Variants in DGKG observed in about 807,000 individuals in gnomAD.
The protein encoded by DGKG is DAG kinase gamma.
In DGKG, 78 loss-of-function variants were observed where a neutral mutation model predicts 105.3. That is an observed-to-expected ratio of 0.74 (90% CI 0.62 to 0.89). The LOEUF (loss-of-function observed/expected upper bound fraction) is 0.89. DGKG is among the 40% of genes least tolerant of loss of function. The probability of loss-of-function intolerance (pLI) is 0.00; values close to 1 mark genes in which losing one functional copy is unlikely to be tolerated. For missense variants in DGKG, 958 were observed against 1,020.1 expected (o/e 0.94, Z 0.83); for synonymous variants, 346 against 367.1 (o/e 0.94, Z 0.66).
chr3:186,306,247 A>C (rs960843876), intron 3 of DGKG, among the ~76,000 whole-genome samples: 1 of 152,206 alleles, frequency 6.6e-6, no homozygotes, highest in Non-Finnish European at 1.5e-5. Context: ...CACAGGAGGG[A>C]AATGAGGTGG....
intron 15 of DGKG, 102 bp from the exon 16 acceptor site, chr3:186,260,615 G>T (rs1721724729): frequency 2.3e-6 from 2 of 880,526 alleles, no homozygotes; most frequent in African/African-American, 1.7e-5. Flanking sequence ...CCCACTGGTG[G>T]CAGGGATGAG....
intron 1 of DGKG, among the ~76,000 whole-genome samples, chr3:186,336,944 A>T (rs1347751473): frequency 6.6e-6 from 1 of 152,240 alleles, no homozygotes; most frequent in Non-Finnish European, 1.5e-5. Flanking sequence ...GTGACTCAAG[A>T]ATTAGAAAAG....
intron 2 of DGKG, 35 bp downstream of exon 2, chr3:186,320,358 A>G (rs1338645734): frequency 6.8e-6 from 11 of 1,613,512 alleles, no homozygotes; most frequent in Admixed American, 1.7e-5. Context: ...GCCAAGAAGA[A>G]ATCCCGTCCC....
intron 21 of DGKG, among the ~76,000 whole-genome samples, chr3:186,201,315 G>A (rs1718449481): frequency 6.6e-6 from 1 of 152,020 alleles, no homozygotes; most frequent in Non-Finnish European, 1.5e-5. Flanking sequence ...TGATGGCCTG[G>A]GGGCCAGCAG....
At chr3:186,243,726 T>C (rs1027678074) in intron 19 of DGKG, among the ~76,000 whole-genome samples, 2 of 152,066 alleles carry the variant, frequency 1.3e-5, no homozygotes, top group East Asian at 3.9e-4. Context: ...GAGCCGGAGA[T>C]GGGGGGTGAC....
At chr3:186,267,062 G>C (rs1722088091) in intron 13 of DGKG, among the ~76,000 whole-genome samples, 1 of 152,198 alleles carries the variant, frequency 6.6e-6, no homozygotes, top group African/African-American at 2.4e-5. Flanking sequence ...CGTGCCAGGT[G>C]GGGGTAAAGG....
intron 14 of DGKG, among the ~76,000 whole-genome samples, chr3:186,263,781 G>A (rs987528341): frequency 2.6e-5 from 4 of 152,098 alleles, no homozygotes; most frequent in South Asian, 2.1e-4. Context: ...AGACACAAGA[G>A]TGGGTGCTCA....
intron 22 of DGKG, among the ~76,000 whole-genome samples, chr3:186,174,397 T>C (rs1297025820): frequency 6.6e-6 from 1 of 151,758 alleles, no homozygotes; most frequent in African/African-American, 2.4e-5. Flanking sequence ...TAGAGAAGGT[T>C]ATGGAGGAAG....
At chr3:186,297,676 A>G (rs1487227597) in intron 4 of DGKG, among the ~76,000 whole-genome samples, 193 bp from the exon 5 acceptor site, 1 of 152,180 alleles carries the variant, frequency 6.6e-6, no homozygotes, top group Non-Finnish European at 1.5e-5. Context: ...CTCCAGGAAG[A>G]CAGGGATCAT....
intron 23 of DGKG, among the ~76,000 whole-genome samples, chr3:186,164,489 T>C (rs1169105444): frequency 6.6e-6 from 1 of 152,230 alleles, no homozygotes; most frequent in Admixed American, 6.5e-5. Flanking sequence ...CAGGTCACTG[T>C]CTGAGAAGGA....
At chr3:186,221,464 G>T (rs1198649224) in intron 20 of DGKG, among the ~76,000 whole-genome samples, 1 of 152,200 alleles carries the variant, frequency 6.6e-6, no homozygotes, top group African/African-American at 2.4e-5. Context: ...GGAGGGTGGA[G>T]GGCATGGAAT....
At chr3:186,161,684 A>G (rs1290964852) in intron 23 of DGKG, 21 bp from the exon 24 acceptor site, 33 of 1,614,194 alleles carry the variant, frequency 2.0e-5, no homozygotes, top group Non-Finnish European at 2.8e-5. Context: ...GAACACCAAG[A>G]GAACACAGTG....
intron 2 of DGKG, among the ~76,000 whole-genome samples, chr3:186,312,459 G>A (rs935590705): frequency 1.7e-4 from 26 of 152,198 alleles, no homozygotes; most frequent in Non-Finnish European, 1.8e-4. Flanking sequence ...CACTTGATAC[G>A]CAGGCTCTAA....
At chr3:186,268,169 T>G (rs1307229688) in intron 12 of DGKG, among the ~76,000 whole-genome samples, 1 of 152,192 alleles carries the variant, frequency 6.6e-6, no homozygotes, top group Non-Finnish European at 1.5e-5. Context: ...ACCTTGTGAT[T>G]CAACCTTTGT....
intron 24 of DGKG, chr3:186,161,104 G>C: frequency 4.1e-6 from 4 of 987,408 alleles, no homozygotes; most frequent in Non-Finnish European, 4.8e-6. Flanking sequence ...CCGACTGGGA[G>C]GCATGTCTGT....
chr3:186,237,351 G>A lies in DGKG; in HGVS notation c.1826+5153C>T, dbSNP rs537097816. On this transcript the variant is annotated intron_variant, in intron 20 of 24. Transcript: ENST00000265022. ...TTTGCTGTCCCATTTTTGAGGAAGG[G>A]GCCTCACATTTTTAATTTTGCACTG... Among the ~76,000 whole-genome samples the A allele has an allele frequency of 3.3e-5, 5 of 152,160 alleles. No individual in the cohort carries two copies. The South Asian group carries it at 1.0e-3, about 32-fold the overall frequency.
rs533560482 is a variant in DGKG at position 186,180,482 on chromosome 3, C to T, written c.2095+7720G>A. Among the ~76,000 whole-genome samples, 30 of 152,288 alleles carry T rather than the reference C, an allele frequency of 2.0e-4. No homozygotes were observed. The South Asian group carries it at 6.2e-3, about 32-fold the overall frequency. On this transcript the variant is annotated intron_variant, in intron 22 of 24. Transcript: ENST00000265022. ...CTGGGGCTCCCTAGGGGTCACCTGTCTTGCTCTGTCTCAGCCCACAGGAGA... is the reference window on the plus strand; with the variant it reads ...CTGGGGCTCCCTAGGGGTCACCTGTTTTGCTCTGTCTCAGCCCACAGGAGA...
At chr3:186,259,415 C>T (rs550119506) in intron 16 of DGKG, among the ~76,000 whole-genome samples, 5 of 152,246 alleles carry the variant, frequency 3.3e-5, no homozygotes, top group African/African-American at 1.2e-4. Flanking sequence ...CAGAGGTGGG[C>T]TCTGTTCTGA....
chr3:186,207,168 C>T (rs542667048), intron 21 of DGKG, among the ~76,000 whole-genome samples: 4 of 152,090 alleles, frequency 2.6e-5, no homozygotes, highest in African/African-American at 9.7e-5. Flanking sequence ...CTAGGGTGAA[C>T]GTTTGCAATA....
Sources: gnomAD v4.1 joint callset for allele counts (sites outside exome capture counted in the v4.1 genomes callset) on GRCh38, gnomAD v4.1.1 for gene constraint, MANE v1.5 for transcripts, NCBI Gene and HGNC (gene_info 2026-07-23, HGNC 2026-07-21) for gene names.